Variants in RBFOX1 observed in about 807,000 individuals in gnomAD.
RBFOX1 encodes the protein RNA binding fox-1 homolog 1, also known as RNA binding protein fox-1 homolog 1.
RBFOX1 carries 8 observed loss-of-function variants against 57.7 expected under a neutral mutation model. The ratio of observed to expected loss-of-function variants is 0.14; its 90% CI spans 0.08 to 0.25. The LOEUF is 0.25. Among genes scored for constraint, RBFOX1 ranks in the 10% least tolerant of loss-of-function variants. The probability of loss-of-function intolerance (pLI) is 1.00; values close to 1 mark genes in which losing one functional copy is unlikely to be tolerated. For missense variants in RBFOX1, 611 were observed against 548.5 expected (o/e 1.11, Z -1.14); for synonymous variants, 326 against 222.4 (o/e 1.47, Z -4.15).
chr16:5,323,526 C>A (rs1225578283), intron 1 of RBFOX1, among the ~76,000 whole-genome samples: 4 of 152,256 alleles, frequency 2.6e-5, no homozygotes, highest in Non-Finnish European at 5.9e-5. Context: ...CTCTGCCCCA[C>A]TGGGCTCTGC....
At chr16:7,575,838 AC>A (rs1477821630) in intron 5 of RBFOX1, among the ~76,000 whole-genome samples, 1 of 152,164 alleles carries the variant, frequency 6.6e-6, no homozygotes, top group Non-Finnish European at 1.5e-5. Context: ...ATGATCTCTA[AC>A]CCCAACATGC....
chr16:5,523,293 A>T (rs540677268), intron 2 of RBFOX1, among the ~76,000 whole-genome samples: 8 of 152,022 alleles, frequency 5.3e-5, no homozygotes, highest in African/African-American at 1.2e-4. Context: ...TTCAAAAAAA[A>T]CAGGAGAGGG....
chr16:7,560,920 C>T (rs920518801), intron 5 of RBFOX1, among the ~76,000 whole-genome samples: 3 of 152,138 alleles, frequency 2.0e-5, no homozygotes, highest in Non-Finnish European at 1.5e-5. Flanking sequence ...CACATATTCC[C>T]GTCTGGCCGA....
rs776520801 is a variant in RBFOX1 at position 6,201,673 on chromosome 16, G to C, written c.-126-115322G>C. On this transcript the variant is annotated intron_variant, in intron 1 of 15. Coordinates refer to ENST00000550418, the MANE Select transcript of RBFOX1 (RefSeq NM_018723.4). ...TAAAATAACTAAAAGAGTGGAATTAGAATGTTCCTAACACAAAGAAATGGT... is the reference window on the plus strand; with the variant it reads ...TAAAATAACTAAAAGAGTGGAATTACAATGTTCCTAACACAAAGAAATGGT... Among the ~76,000 whole-genome samples, 14 of 152,278 alleles carry C rather than the reference G, an allele frequency of 9.2e-5. No individual in the cohort carries two copies. The South Asian group carries it at 1.7e-3, about 18-fold the overall frequency.
chr16:6,538,633 T>C (rs1436026668), intron 2 of RBFOX1, among the ~76,000 whole-genome samples: 1 of 152,158 alleles, frequency 6.6e-6, no homozygotes, highest in African/African-American at 2.4e-5. Flanking sequence ...TTCTCAAATA[T>C]TGCTGGTTGG....
chr16:6,289,839 A>C (rs571887478), intron 1 of RBFOX1, among the ~76,000 whole-genome samples: 91 of 152,318 alleles, frequency 6.0e-4, no homozygotes, highest in Admixed American at 2.9e-3. Flanking sequence ...TGAATGAATA[A>C]TACAAAGAAT....
chr16:7,258,309 C>T (rs576418541), intron 4 of RBFOX1, among the ~76,000 whole-genome samples: 3 of 152,214 alleles, frequency 2.0e-5, no homozygotes, highest in South Asian at 4.1e-4. Context: ...GTATTTTATA[C>T]ATTAAAATGA....
intron 4 of RBFOX1, among the ~76,000 whole-genome samples, chr16:7,426,620 G>T (rs4786168): frequency 6.6e-6 from 1 of 152,156 alleles, no homozygotes; most frequent in African/African-American, 2.4e-5. Flanking sequence ...TTAGGCGCAC[G>T]CTGTGCTGCG....
At chr16:6,697,710 C>A (rs2061260324) in intron 3 of RBFOX1, among the ~76,000 whole-genome samples, 1 of 152,092 alleles carries the variant, frequency 6.6e-6, no homozygotes. Context: ...TTGGGATGAT[C>A]CTTCCCCAAA....
chr16:5,433,007 A>C (rs1223053272), intron 1 of RBFOX1, among the ~76,000 whole-genome samples: 2 of 152,056 alleles, frequency 1.3e-5, no homozygotes, highest in African/African-American at 4.8e-5. Context: ...GGTGGTCTCA[A>C]ACTCCTGACC....
chr16:7,237,537 C>A (rs185973483), intron 4 of RBFOX1, among the ~76,000 whole-genome samples: 1 of 152,332 alleles, frequency 6.6e-6, no homozygotes, highest in East Asian at 1.9e-4. Context: ...AAGTGAAAAG[C>A]AAAGTGCTTA....
chr16:6,121,624 C>T (rs966504626), intron 1 of RBFOX1, among the ~76,000 whole-genome samples: 8 of 152,128 alleles, frequency 5.3e-5, no homozygotes, highest in African/African-American at 1.7e-4. Context: ...TTCTGAGGCT[C>T]AACTCAGTGG....
intron 3 of RBFOX1, among the ~76,000 whole-genome samples, chr16:6,689,665 A>C (rs748233415): frequency 6.6e-6 from 1 of 152,172 alleles, no homozygotes; most frequent in Non-Finnish European, 1.5e-5. Context: ...GACAGTTGTC[A>C]TGAAAATCCT....
At chr16:6,176,313 A>T (rs1480014920) in intron 1 of RBFOX1, among the ~76,000 whole-genome samples, 68 of 95,256 alleles carry the variant, frequency 7.1e-4, no homozygotes, top group African/African-American at 1.3e-3. Context: ...GCCTGACCAA[A>T]TTTTTTTTTT....
chr16:6,022,437 C>G (rs2095100781), intron 1 of RBFOX1, among the ~76,000 whole-genome samples: 1 of 152,056 alleles, frequency 6.6e-6, no homozygotes. Context: ...TCCCATCACT[C>G]TGGGAGGCTG....
intron 1 of RBFOX1, among the ~76,000 whole-genome samples, chr16:6,193,424 AT>A (rs1166208128): frequency 2.0e-5 from 2 of 97,716 alleles, no homozygotes; most frequent in African/African-American, 6.1e-5. Flanking sequence ...ATATATATAT[AT>A]AAAATTCAGT....
intron 4 of RBFOX1, among the ~76,000 whole-genome samples, chr16:7,068,610 G>C (rs987366435): frequency 1.3e-5 from 2 of 152,152 alleles, no homozygotes; most frequent in African/African-American, 4.8e-5. Context: ...TTTTGAGACA[G>C]AGTTTCACTC....
At chr16:5,299,134 T>G (rs4786664) in intron 1 of RBFOX1, among the ~76,000 whole-genome samples, 95,622 of 151,220 alleles carry the variant, frequency 0.63, 31,026 homozygotes, top group South Asian at 0.74. Flanking sequence ...TCCATCACAA[T>G]AAATTAAATT....
chr16:5,459,494 G>T (rs1056275730), intron 1 of RBFOX1, among the ~76,000 whole-genome samples: 1 of 151,546 alleles, frequency 6.6e-6, no homozygotes, highest in Non-Finnish European at 1.5e-5. Context: ...CCAGGCTCAC[G>T]TGACCAACCG....
Sources: allele counts gnomAD v4.1 joint callset (sites outside exome capture counted in the v4.1 genomes callset), GRCh38; gene constraint gnomAD v4.1.1; transcripts MANE v1.5; gene names NCBI Gene and HGNC (gene_info 2026-07-23, HGNC 2026-07-21).